The following GGTA1 variants were observed in gnomAD, a reference collection of about 807,000 sequenced individuals.
GGTA1 encodes glycoprotein alpha-galactosyltransferase 1 (inactive).
In GGTA1, 5 loss-of-function variants were observed where a neutral mutation model predicts 2.6. The observed-to-expected ratio is 1.92, with a 90% CI of 1.00 to 4.04. The LOEUF is 4.04. Among genes scored for constraint, GGTA1 ranks in the 30% most tolerant of loss-of-function variants. The pLI, the probability that GGTA1 is intolerant of heterozygous loss-of-function variation, is 0.00. For synonymous variants in GGTA1, 17 were observed against 5.0 expected (o/e 3.38, Z -3.19); for missense variants, 50 against 16.7 (o/e 2.99, Z -3.47).
At position 121,476,036 on chromosome 9, in the gene GGTA1, C is replaced by T. The variant is rs1459151893; in HGVS notation, c.-9-8105G>A. On this transcript the variant is annotated intron_variant, in intron 1 of 5. Coordinates refer to ENST00000481799, the MANE Select transcript of GGTA1 (RefSeq NM_001382585.1). This position sits in a 1 kb window ranked among gnomAD's most constrained non-coding sequence, Gnocchi z 4.6. ...AAAGGGTTCTTGAAAGCATACTGTG[C>T]CCATGGTCTGTTAATGCCCCCCACA... Among the ~76,000 whole-genome samples the T allele has an allele frequency of 6.6e-6, 1 of 152,106 alleles. No homozygotes were observed. Among genetic ancestry groups the T allele is most frequent in the African/African-American group, 2.4e-5 (1 of 41,406 alleles).
At chr9:121,497,137 G>A (rs1564659574) in intron 1 of GGTA1, among the ~76,000 whole-genome samples, 1 of 152,136 alleles carries the variant, frequency 6.6e-6, no homozygotes. Flanking sequence ...AGGTTGCAGT[G>A]AGTCAAGATA....
chr9:121,493,369 G>A (rs748772251), intron 1 of GGTA1, among the ~76,000 whole-genome samples: 5 of 152,056 alleles, frequency 3.3e-5, no homozygotes, highest in Middle Eastern at 3.4e-3. Context: ...TTCAGGACCC[G>A]GCTTTCATGC....
At chr9:121,486,888 C>A (rs1828766604) in intron 1 of GGTA1, among the ~76,000 whole-genome samples, 1 of 152,166 alleles carries the variant, frequency 6.6e-6, no homozygotes, top group Admixed American at 6.5e-5. Flanking sequence ...CTTTCCTTTC[C>A]CGGTTTGCCC....
At chr9:121,497,913 C>T (rs1829026470) in intron 1 of GGTA1, among the ~76,000 whole-genome samples, 1 of 152,172 alleles carries the variant, frequency 6.6e-6, no homozygotes, top group African/African-American at 2.4e-5. Flanking sequence ...CTCAGAGCCA[C>T]CATGGCCAGA....
intron 3 of GGTA1, 129 bp downstream of exon 3, chr9:121,463,164 A>C (rs1248021070): frequency 4.7e-6 from 2 of 421,624 alleles, no homozygotes; most frequent in East Asian, 1.4e-4. Context: ...ATCCCCAGGA[A>C]TCCACCCACC....
intron 1 of GGTA1, among the ~76,000 whole-genome samples, chr9:121,477,980 A>T (rs1164209280): frequency 1.3e-5 from 2 of 152,188 alleles, no homozygotes; most frequent in East Asian, 3.9e-4. Context: ...ACCCTGGGCT[A>T]AACCCCTTTT....
intron 1 of GGTA1, among the ~76,000 whole-genome samples, chr9:121,488,366 G>A (rs575204831): frequency 4.1e-4 from 62 of 152,250 alleles, no homozygotes; most frequent in African/African-American, 1.3e-3. Context: ...GGCTAGCACC[G>A]TTCTAAACCC....
At chr9:121,479,089 C>T (rs1048141650) in intron 1 of GGTA1, 1 of 456,502 alleles carries the variant, frequency 2.2e-6, no homozygotes, top group African/African-American at 2.0e-5. Context: ...AGCCGGCATC[C>T]TTCTTCCAGG....
intron 1 of GGTA1, among the ~76,000 whole-genome samples, chr9:121,482,664 G>C (rs560915855): frequency 6.6e-6 from 1 of 152,322 alleles, no homozygotes; most frequent in African/African-American, 2.4e-5. Context: ...AGCTACTCAG[G>C]AGGCTGAGGC....
intron 1 of GGTA1, among the ~76,000 whole-genome samples, chr9:121,483,458 A>C (rs891263963): frequency 4.6e-5 from 7 of 152,144 alleles, no homozygotes; most frequent in Non-Finnish European, 8.8e-5. Context: ...TTCATCCTCA[A>C]ACTCTCAAAA....
chr9:121,460,268 G>A (rs1186645842), intron 4 of GGTA1, 49 bp from the exon 5 acceptor site: 8 of 456,368 alleles, frequency 1.8e-5, no homozygotes, highest in South Asian at 3.1e-5. Context: ...AGGTGATTGC[G>A]GTGGTCAGAG....
chr9:121,452,298 G>C (rs1161856269), downstream of GGTA1: 2 of 152,582 alleles, frequency 1.3e-5, no homozygotes, highest in Admixed American at 1.3e-4. Context: ...ATAAAACGTA[G>C]AGTTCCCTGA....
intron 1 of GGTA1, among the ~76,000 whole-genome samples, chr9:121,497,587 T>G (rs1224889595): frequency 1.3e-5 from 2 of 151,770 alleles, no homozygotes; most frequent in African/African-American, 4.8e-5. Flanking sequence ...CAGGCTCCAG[T>G]CTTAGAAGGC....
intron 4 of GGTA1, 108 bp from the exon 5 acceptor site, chr9:121,460,327 C>T (rs916995090): frequency 3.5e-4 from 147 of 420,910 alleles, no homozygotes; most frequent in Non-Finnish European, 1.4e-5. Flanking sequence ...ATTATGCATG[C>T]ACTAAGTGAA....
intron 1 of GGTA1, chr9:121,494,433 A>G (rs1828945084): frequency 6.6e-6 from 1 of 152,246 alleles, no homozygotes; most frequent in Non-Finnish European, 1.5e-5. Context: ...AGCTGAGCCA[A>G]TCAGCTCTTT....
At chr9:121,451,086 T>A (rs1010626178), downstream of GGTA1, among the ~76,000 whole-genome samples, 1 of 149,754 alleles carries the variant, frequency 6.7e-6, no homozygotes, top group Non-Finnish European at 1.5e-5. Flanking sequence ...GAAAAAAAAA[T>A]AGGAAAATTG....
At chr9:121,484,490 G>A (rs1828716019) in intron 1 of GGTA1, among the ~76,000 whole-genome samples, 1 of 152,214 alleles carries the variant, frequency 6.6e-6, no homozygotes, top group East Asian at 1.9e-4. Flanking sequence ...CACCATGTTG[G>A]TCAGGCTGGT....
intron 2 of GGTA1, among the ~76,000 whole-genome samples, chr9:121,464,098 C>T (rs1365556866): frequency 6.6e-6 from 1 of 152,208 alleles, no homozygotes; most frequent in Non-Finnish European, 1.5e-5. Context: ...CCCTCCTCTC[C>T]AGAATCCTTC....
At chr9:121,446,297 G>T (rs1459241936) in exon 8 of GGTA1, 1 of 152,196 alleles carries the variant, frequency 6.6e-6, no homozygotes, top group African/African-American at 2.4e-5. Context: ...GCTCATTCAG[G>T]TTCCTTGGGA....
Sources: gnomAD v4.1 joint callset for allele counts (sites outside exome capture counted in the v4.1 genomes callset) on GRCh38, gnomAD v4.1.1 for gene constraint, Gnocchi (gnomAD v3.1) non-coding constraint, MANE v1.5 for transcripts, NCBI Gene and HGNC (gene_info 2026-07-23, HGNC 2026-07-21) for gene names.